The following TMEM179B variants were observed in gnomAD, a reference collection of about 807,000 sequenced individuals.
TMEM179B encodes transmembrane protein 179B.
Under a neutral mutation model 18.0 loss-of-function variants are expected in TMEM179B, and 13 were observed. That is an observed-to-expected ratio of 0.72 (90% CI 0.47 to 1.15). The LOEUF (loss-of-function observed/expected upper bound fraction) is 1.15, where lower values mean the gene tolerates loss of function less well. Among genes scored for constraint, TMEM179B ranks in the 50% most tolerant of loss-of-function variants. The pLI is 0.00. For missense variants in TMEM179B, 320 were observed against 270.6 expected (o/e 1.18, Z -1.28); for synonymous variants, 159 against 117.5 (o/e 1.35, Z -2.29).
rs1283501144 is a variant in TMEM179B at position 62,789,658 on chromosome 11, C to T, written c.477C>T (p.Tyr159=). 2 of 1,549,292 alleles carry T rather than the reference C, an allele frequency of 1.3e-6. No homozygotes were observed. The highest frequency in any genetic ancestry group is 1.4e-5 in the African/African-American group (1 of 72,608). Reference sequence around the variant, plus strand: ...CCCCTGGAACTGCTCTGCAGTTTTACTCCAACCTACACAATGCTGAAGTGA... The same window carrying T: ...CCCCTGGAACTGCTCTGCAGTTTTATTCCAACCTACACAATGCTGAAGTGA... ...WTPPGTALQF[Y]SNLHNAETSS... The change falls in exon 4 of 5, where the codon TAC becomes TAT. Residue 159 remains tyrosine (Y), a synonymous_variant. Transcript: ENST00000333449.
At chr11:62,787,615 T>C (rs1406773059) in intron 1 of TMEM179B, 88 bp downstream of exon 1, 13 of 1,412,492 alleles carry the variant, frequency 9.2e-6, no homozygotes, top group Non-Finnish European at 1.2e-5. Flanking sequence ...CCGGGCTTGC[T>C]GCTGCTCGGA....
chr11:62,790,021 G>C lies in TMEM179B; in HGVS notation c.634G>C (p.Val212Leu), dbSNP rs781136892. The C allele has an allele frequency of 8.7e-6, 14 of 1,613,360 alleles. 1 individual carries two copies. In the South Asian group the frequency reaches 1.5e-4, roughly 18 times the overall value. Residue 212 changes from valine (V) to leucine (L), a missense_variant, in exon 5 of 5, where the codon GTT (valine) becomes CTT (leucine). Coordinates refer to ENST00000333449, the MANE Select transcript of TMEM179B (RefSeq NM_199337.3). The part of the protein sequence containing the change: ...PEWSSETDAL[V>L]GSRLSHS ...GTGGAGCTCTGAGACAGATGCTCTC[G>C]TTGGGTCACGCCTTTCCCATTCCTG...
At position 62,787,477 on chromosome 11, in the gene TMEM179B, G is replaced by A. The variant is rs760534553; in HGVS notation, c.46G>A (p.Ala16Thr). 7 of 1,577,768 alleles carry A rather than the reference G, an allele frequency of 4.4e-6. No individual in the cohort carries two copies. The highest frequency in any genetic ancestry group is 6.0e-6 in the Non-Finnish European group (7 of 1,169,304). The stretch of plus-strand genomic sequence containing the variant: ...GCGCGTCGAGCTTGCGCTCTTTGCT[G>A]CCGCCTTCCTGTGCGGGGCCGTGGC... ...LQRVELALFA[A>T]AFLCGAVAAA... Residue 16 changes from alanine (A) to threonine (T), a missense_variant, in exon 1 of 5, where the codon GCC becomes ACC. Physicochemically the swap from Ala to Thr is moderately conservative, Grantham distance 58. Transcript: ENST00000333449.
intron 1 of TMEM179B, chr11:62,787,743 A>G: frequency 1.5e-6 from 1 of 673,996 alleles, no homozygotes; most frequent in East Asian, 2.7e-5. Flanking sequence ...CCCTCGCCAA[A>G]GGGACGGGTC....
intron 4 of TMEM179B, 29 bp downstream of exon 4, chr11:62,789,708 G>T: frequency 1.3e-6 from 2 of 1,526,980 alleles, no homozygotes; most frequent in Non-Finnish European, 1.8e-6. Context: ...AGGAAAAACT[G>T]ACATAAATAT....
intron 1 of TMEM179B, 99 bp downstream of exon 1, chr11:62,787,626 G>A: frequency 7.2e-7 from 1 of 1,394,280 alleles, no homozygotes; most frequent in Non-Finnish European, 9.4e-7. Flanking sequence ...GCTGCTCGGA[G>A]CCGGTGGACC....
rs770905618 is a variant in TMEM179B, at chr11:62,787,562, A to T, written c.96+35A>T. ...CGGGGCGGGGTCAGGTAGGCGGGGG[A>T]GCTGGCCGGTCTGGACATGGCGAGG... On this transcript the variant is annotated intron_variant, in intron 1 of 4. Transcript: ENST00000333449. The T allele has an allele frequency of 4.6e-6, 7 of 1,508,608 alleles. No individual in the cohort carries two copies. The African/African-American group carries it at 7.0e-5, about 15-fold the overall frequency. The allele number at this position is 1,508,608 out of a possible 1,614,324, so 93.5% of individuals were successfully genotyped here. A position where few individuals can be genotyped will look rare whatever the true frequency, so the allele number is the denominator to read the frequency against.
At position 62,789,552 on chromosome 11, in the gene TMEM179B, C is replaced by T. The variant is rs369963815; in HGVS notation, c.420-49C>T. On this transcript the variant is annotated intron_variant, in intron 3 of 4. Transcript: ENST00000333449. Reference sequence around the variant, plus strand: ...CAGGGCACTGGGCACAGGTGTGCCTCGGATATAAACTATCACGCTTTCTCA... The same window carrying T: ...CAGGGCACTGGGCACAGGTGTGCCTTGGATATAAACTATCACGCTTTCTCA... 2.1e-4 allele frequency: 331 copies of T among 1,556,168 alleles called. 3 individuals carry two copies. Among genetic ancestry groups the T allele is most frequent in the Middle Eastern group, 1.7e-4 (1 of 5,770 alleles).
intron 1 of TMEM179B, chr11:62,787,994 G>A: frequency 6.5e-6 from 3 of 463,360 alleles, no homozygotes; most frequent in South Asian, 3.1e-5. Flanking sequence ...TGACGTAAAG[G>A]TAGAAGCCAA....
In TMEM179B at chr11:62,790,342, T is replaced by C; in HGVS notation, c.*295T>C. ...AAACTTAGAGGTACTGTTAGGCAGC[T>C]GCCCTAGGGATGACTGCTCCTTTAT... On this transcript the variant is annotated 3_prime_UTR_variant, in exon 5 of 5. Coordinates refer to ENST00000333449, the MANE Select transcript of TMEM179B (RefSeq NM_199337.3). 1.9e-6 allele frequency: 1 copy of C among 539,572 alleles called. No individual in the cohort carries two copies. The highest frequency in any genetic ancestry group is 3.2e-6 in the Non-Finnish European group (1 of 309,436). 33.4% of individuals were successfully genotyped at this position (539,572 alleles called of 1,614,324 possible). A position where few individuals can be genotyped will look rare whatever the true frequency, so the allele number is the denominator to read the frequency against.
rs943169631 is a variant in TMEM179B at position 62,789,151 on chromosome 11, C to G, written c.225C>G (p.Leu75=). Residue 75 remains leucine, a synonymous_variant, in exon 2 of 5, where the codon CTC becomes CTG. Coordinates refer to ENST00000333449, the MANE Select transcript of TMEM179B (RefSeq NM_199337.3). ...FVAGASGLLA[L]YCLLLLLFWI... ...CTGGGGCCTCTGGCCTCTTGGCCCT[C>G]TACTGCCTCCTGCTTTTGCTCTTCT... 5 of 1,614,206 alleles carry G rather than the reference C, an allele frequency of 3.1e-6. No homozygotes were observed. Among genetic ancestry groups the G allele is most frequent in the Middle Eastern group, 3.3e-4 (2 of 6,062 alleles).
chr11:62,789,711 A>G, intron 4 of TMEM179B, 32 bp downstream of exon 4: 1 of 1,525,982 alleles, frequency 6.6e-7, no homozygotes, highest in Non-Finnish European at 8.8e-7. Flanking sequence ...AAAAACTGAC[A>G]TAAATATCTG....
intron 1 of TMEM179B, among the ~76,000 whole-genome samples, chr11:62,788,572 C>T (rs555652175): frequency 1.0e-4 from 15 of 149,864 alleles, no homozygotes; most frequent in Admixed American, 2.0e-4. Context: ...GGCATGGTGG[C>T]GGGTGCCTGT....
intron 3 of TMEM179B, 66 bp from the exon 4 acceptor site, chr11:62,789,535 T>C: frequency 6.4e-7 from 1 of 1,570,938 alleles, no homozygotes. Flanking sequence ...CACAGGGCAC[T>C]GGGCACAGGT....
At chr11:62,788,053 G>C (rs1016100031) in intron 1 of TMEM179B, 1 of 453,588 alleles carries the variant, frequency 2.2e-6, no homozygotes, top group South Asian at 1.6e-5. Context: ...ATAAACATGG[G>C]TTCATTTAAT....
chr11:62,788,939 C>G (rs2084324485), intron 1 of TMEM179B, 84 bp from the exon 2 acceptor site: 6 of 1,432,488 alleles, frequency 4.2e-6, no homozygotes, highest in Non-Finnish European at 5.7e-6. Flanking sequence ...AGGACCATTC[C>G]TAAGTTATCA....
In TMEM179B at chr11:62,790,163, G is replaced by A. The variant is rs1590944673; in HGVS notation, c.*116G>A. 1 of 1,223,710 alleles carries A rather than the reference G, an allele frequency of 8.2e-7. No homozygotes were observed. Among genetic ancestry groups the A allele is most frequent in the South Asian group, 1.6e-5 (1 of 61,134 alleles). The allele number at this position is 1,223,710 out of a possible 1,614,324, so 75.8% of individuals were successfully genotyped here. A position where few individuals can be genotyped will look rare whatever the true frequency, so the allele number is the denominator to read the frequency against. On this transcript the variant is annotated 3_prime_UTR_variant, in exon 5 of 5. Transcript: ENST00000333449. ...TAGTTTTCCTTTCGTTGGGGGGTGG[G>A]GGGGAAACATAATGACAGGCCCCCC...
At chr11:62,789,458 G>A in intron 3 of TMEM179B, 32 bp downstream of exon 3, 1 of 1,613,286 alleles carries the variant, frequency 6.2e-7, no homozygotes, top group Non-Finnish European at 8.5e-7. Context: ...CCTGGCTGGG[G>A]CTGACTACCT....
In TMEM179B at chr11:62,789,336, C is replaced by A. The variant is rs1270949590; in HGVS notation, c.329C>A (p.Ala110Asp). ...LRIALAISAI[A>D]VFLVLVSACI... ...ATTGCACTGGCCATCTCAGCTATAG[C>A]CGTCTTCCTGGTCTTGGTGTCTGCC... The change falls in exon 3 of 5, where the codon GCC becomes GAC. Residue 110 changes from alanine to aspartate, a missense_variant. Coordinates refer to ENST00000333449, the MANE Select transcript of TMEM179B (RefSeq NM_199337.3). The A allele has an allele frequency of 1.2e-6, 2 of 1,613,988 alleles. No homozygotes were observed. Among genetic ancestry groups the A allele is most frequent in the East Asian group, 4.5e-5 (2 of 44,888 alleles).
Sources: allele counts gnomAD v4.1 joint callset (sites outside exome capture counted in the v4.1 genomes callset), GRCh38; gene constraint gnomAD v4.1.1; transcripts MANE v1.5; gene names NCBI Gene and HGNC (gene_info 2026-07-23, HGNC 2026-07-21).